GABRR1: variants seen among roughly 807,000 people sequenced by gnomAD.
GABRR1 encodes the protein gamma-aminobutyric acid type A receptor subunit rho1, also known as gamma-aminobutyric acid receptor subunit rho-1.
A neutral mutation model predicts 55.5 loss-of-function variants in GABRR1; 59 were observed. The observed-to-expected ratio is 1.06, with a 90% CI of 0.86 to 1.32. GABRR1 has a LOEUF of 1.32. GABRR1 is among the 40% of genes most tolerant of loss of function. The pLI, the probability that GABRR1 is intolerant of heterozygous loss-of-function variation, is 0.00. For synonymous variants in GABRR1, 213 were observed against 226.0 expected, an observed-to-expected ratio of 0.94 and a Z score of 0.51; for missense variants, 602 against 619.1, an observed-to-expected ratio of 0.97 and a Z score of 0.29.
At chr6:89,207,455 A>C (rs190034370) in intron 1 of GABRR1, among the ~76,000 whole-genome samples, 7 of 152,296 alleles carry the variant, frequency 4.6e-5, no homozygotes, top group Non-Finnish European at 1.5e-5. Flanking sequence ...TCGGCCTCCC[A>C]AAATGCTGGG....
intron 6 of GABRR1, among the ~76,000 whole-genome samples, chr6:89,188,068 G>T (rs984550792): frequency 5.3e-5 from 8 of 151,354 alleles, no homozygotes; most frequent in Non-Finnish European, 1.0e-4. Flanking sequence ...CCAGGCTGGA[G>T]TGCAGTGGTG....
chr6:89,192,644 T>TC (rs1772140294), intron 5 of GABRR1, among the ~76,000 whole-genome samples: 1 of 144,666 alleles, frequency 6.9e-6, no homozygotes, highest in Non-Finnish European at 1.5e-5. Flanking sequence ...CTCTGCAACC[T>TC]CCACCTCCCT....
chr6:89,189,844 A>C (rs749703713), intron 6 of GABRR1, among the ~76,000 whole-genome samples: 1 of 152,156 alleles, frequency 6.6e-6, no homozygotes, highest in Non-Finnish European at 1.5e-5. Context: ...CAGGCGTTGG[A>C]GATCAGCCTG....
intron 1 of GABRR1, among the ~76,000 whole-genome samples, chr6:89,222,751 C>T (rs1773131957): frequency 6.6e-6 from 1 of 152,168 alleles, no homozygotes; most frequent in African/African-American, 2.4e-5. Context: ...TTTTTGGAGA[C>T]TGCCCACCAT....
At chr6:89,217,540 T>G (rs988326455), upstream of GABRR1, 26 of 445,890 alleles carry the variant, frequency 5.8e-5, no homozygotes, top group African/African-American at 4.6e-4. Flanking sequence ...TTTTCTGAAC[T>G]GAGGTTGAAT....
intron 1 of GABRR1, chr6:89,204,715 GAATAA>G: frequency 8.3e-7 from 1 of 1,199,450 alleles, no homozygotes; most frequent in Non-Finnish European, 1.1e-6. Context: ...GAAGACGGAT[GAATAA>G]AATACAGTTA....
intron 5 of GABRR1, 144 bp downstream of exon 5, chr6:89,197,876 G>A (rs1772350000): frequency 3.1e-6 from 2 of 655,600 alleles, no homozygotes; most frequent in South Asian, 1.9e-5. Flanking sequence ...TTCTACTCAT[G>A]TATAAAGTTA....
chr6:89,221,777 T>C (rs932453972), upstream of GABRR1, among the ~76,000 whole-genome samples: 6 of 151,978 alleles, frequency 3.9e-5, no homozygotes, highest in African/African-American at 1.5e-4. Context: ...AAGGGACAAA[T>C]AAAAAGGCAA....
At chr6:89,226,171 T>C (rs1000922321) in intron 1 of GABRR1, among the ~76,000 whole-genome samples, 4 of 151,880 alleles carry the variant, frequency 2.6e-5, no homozygotes, top group Non-Finnish European at 5.9e-5. Flanking sequence ...ATTAGCCTTT[T>C]GTCAGATGAG....
rs1353092653 is a variant in GABRR1 at position 89,181,894 on chromosome 6, G to C, written c.949+11C>G. ...CAGATGCTTGGAATATGCACTTGAG[G>C]TATTCCTTACCTAAGGGGACTCTGG... On this transcript the variant is annotated intron_variant, in intron 8 of 9. Coordinates refer to ENST00000454853, the MANE Select transcript of GABRR1 (RefSeq NM_002042.5). 3 of 1,604,962 alleles carry C rather than the reference G, an allele frequency of 1.9e-6. No homozygotes were observed. Among genetic ancestry groups the C allele is most frequent in the South Asian group, 1.1e-5 (1 of 89,376 alleles).
chr6:89,190,879 A>G (rs894726024), intron 5 of GABRR1, among the ~76,000 whole-genome samples: 4 of 152,342 alleles, frequency 2.6e-5, no homozygotes, highest in Admixed American at 2.0e-4. Flanking sequence ...TTCAGAATTT[A>G]CACTGGGAAA....
upstream of GABRR1, among the ~76,000 whole-genome samples, chr6:89,219,919 G>A (rs1773089381): frequency 6.6e-6 from 1 of 152,066 alleles, no homozygotes. Context: ...ATCCTTTAAC[G>A]TGCTTTCAAT....
chr6:89,203,582 C>T (rs1772549707), intron 1 of GABRR1, 97 bp from the exon 2 acceptor site: 1 of 872,574 alleles, frequency 1.1e-6, no homozygotes, highest in Non-Finnish European at 1.9e-6. Flanking sequence ...TCAAATCTAT[C>T]CAGAATAAAA....
intron 1 of GABRR1, among the ~76,000 whole-genome samples, chr6:89,210,418 T>G (rs1258419009): frequency 6.6e-6 from 1 of 152,026 alleles, no homozygotes; most frequent in African/African-American, 2.4e-5. Flanking sequence ...GGTCTCTAAC[T>G]CCTGGGATTA....
upstream of GABRR1, among the ~76,000 whole-genome samples, chr6:89,219,528 G>A (rs1037398539): frequency 1.3e-5 from 2 of 152,150 alleles, no homozygotes; most frequent in Admixed American, 6.5e-5. Flanking sequence ...AGGAAAAATC[G>A]TCAAACTTTG....
chr6:89,180,639 C>T (rs1771688978), intron 8 of GABRR1, 151 bp from the exon 9 acceptor site: 1 of 975,224 alleles, frequency 1.0e-6, no homozygotes, highest in Non-Finnish European at 1.5e-6. Context: ...ACACATCTTT[C>T]AAGATTTAGC....
At chr6:89,212,823 C>T (rs1310744540) in intron 1 of GABRR1, among the ~76,000 whole-genome samples, 4 of 152,194 alleles carry the variant, frequency 2.6e-5, no homozygotes, top group East Asian at 3.9e-4. Context: ...CACACCTCAC[C>T]GTGGCCAGCT....
chr6:89,198,014 T>G lies in GABRR1; in HGVS notation c.572+6A>C. ...GTTAATATGAATGATCTGCCTTTCTTCCTACCTGAGACTATAGAGCACTTT... is the reference window on the plus strand; with the variant it reads ...GTTAATATGAATGATCTGCCTTTCTGCCTACCTGAGACTATAGAGCACTTT... On this transcript the variant is annotated splice_donor_region_variant and intron_variant, in intron 5 of 9. Transcript: ENST00000454853. 1 of 1,611,394 alleles carries G rather than the reference T, an allele frequency of 6.2e-7. No individual in the cohort carries two copies. The highest frequency in any genetic ancestry group is 8.5e-7 in the Non-Finnish European group (1 of 1,177,540).
intron 6 of GABRR1, among the ~76,000 whole-genome samples, chr6:89,189,085 T>G (rs374031256): frequency 5.7e-4 from 86 of 151,788 alleles, no homozygotes; most frequent in African/African-American, 2.1e-3. Context: ...GCAAAGGGCT[T>G]GGAAGGAGAC....
Sources: allele counts gnomAD v4.1 joint callset (sites outside exome capture counted in the v4.1 genomes callset), GRCh38; gene constraint gnomAD v4.1.1; transcripts MANE v1.5; gene names NCBI Gene and HGNC (gene_info 2026-07-23, HGNC 2026-07-21).